Variants in AGPS observed in about 807,000 individuals in gnomAD.
AGPS encodes alkyldihydroxyacetonephosphate synthase, peroxisomal.
In AGPS, 26 loss-of-function variants were observed where a neutral mutation model predicts 90.7. The ratio of observed to expected loss-of-function variants is 0.29; its 90% CI spans 0.21 to 0.40. AGPS has a LOEUF of 0.40. Among genes scored for constraint, AGPS ranks in the 10% least tolerant of loss-of-function variants. The probability of loss-of-function intolerance (pLI) is 1.00; values close to 1 mark genes in which losing one functional copy is unlikely to be tolerated. For missense variants in AGPS, 540 were observed against 816.1 expected (o/e 0.66, Z 4.12); for synonymous variants, 294 against 285.3 (o/e 1.03, Z -0.31).
chr2:177,516,121 G>A (rs1386629574), intron 17 of AGPS, among the ~76,000 whole-genome samples: 2 of 152,048 alleles, frequency 1.3e-5, no homozygotes, highest in Non-Finnish European at 2.9e-5. Flanking sequence ...TAAAATCAAA[G>A]TTGAAATAAC....
At chr2:177,507,081 C>T (rs1026627425) in intron 15 of AGPS, among the ~76,000 whole-genome samples, 1 of 151,998 alleles carries the variant, frequency 6.6e-6, no homozygotes, top group Non-Finnish European at 1.5e-5. Context: ...ATAAGTTTTA[C>T]AATGGTTAAT....
chr2:177,402,237 CAT>C (rs1486007453), intron 1 of AGPS, among the ~76,000 whole-genome samples: 1 of 152,154 alleles, frequency 6.6e-6, no homozygotes, highest in African/African-American at 2.4e-5. Flanking sequence ...TGAGTTTAGT[CAT>C]ATGGATATCC....
intron 17 of AGPS, among the ~76,000 whole-genome samples, chr2:177,517,124 A>G (rs571490859): frequency 1.8e-4 from 27 of 152,202 alleles, no homozygotes; most frequent in Non-Finnish European, 3.7e-4. Context: ...CTGTTAAATT[A>G]AATTCTTTGT....
At position 177,468,477 on chromosome 2, in the gene AGPS, G is replaced by T; in HGVS notation, c.1058G>T (p.Arg353Leu). Residue 353 changes from arginine (R) to leucine (L), a missense_variant, in exon 10 of 20, where the codon CGT becomes CTT. This residue lies in a region of AGPS where 405 missense variants were observed against 692.1 expected (regional missense o/e 0.59). Transcript: ENST00000264167. ...ATAGAAAAAAGCTGTCAAGGACCTC[G>T]TATGTCAACAGGCCCTGATATCCAT... is the stretch of plus-strand genomic sequence containing the variant. Reference protein sequence around the residue: ...GIIEKSCQGPRMSTGPDIHHF... With the variant: ...GIIEKSCQGPLMSTGPDIHHF... 6.2e-7 allele frequency: 1 copy of T among 1,612,598 alleles called. No individual in the cohort carries two copies.
intron 17 of AGPS, among the ~76,000 whole-genome samples, chr2:177,518,618 A>G (rs760867434): frequency 4.7e-4 from 71 of 152,098 alleles, no homozygotes; most frequent in Non-Finnish European, 8.5e-4. Context: ...TACATTTATC[A>G]ATTGGAATTC....
chr2:177,520,979 G>A (rs985676232), intron 17 of AGPS, among the ~76,000 whole-genome samples: 9 of 152,170 alleles, frequency 5.9e-5, no homozygotes, highest in Admixed American at 2.0e-4. Context: ...AGAAGTTTTA[G>A]TAACATGGGA....
intron 1 of AGPS, among the ~76,000 whole-genome samples, chr2:177,397,692 A>G (rs112692898): frequency 6.6e-6 from 1 of 152,186 alleles, no homozygotes; most frequent in African/African-American, 2.4e-5. Flanking sequence ...TGTTTAGTCT[A>G]CTTGCTTATA....
chr2:177,468,607 T>C, intron 10 of AGPS, 83 bp downstream of exon 10: 1 of 956,912 alleles, frequency 1.0e-6, no homozygotes, highest in Non-Finnish European at 1.7e-6. Flanking sequence ...TGACATCAGA[T>C]CTTTGAAAGA....
chr2:177,510,790 C>G (rs1278347814), intron 16 of AGPS, among the ~76,000 whole-genome samples: 1 of 152,116 alleles, frequency 6.6e-6, no homozygotes, highest in Non-Finnish European at 1.5e-5. Context: ...CTTTTTCTTT[C>G]AAACCTTTAA....
chr2:177,443,832 G>A (rs1402613471), intron 7 of AGPS, among the ~76,000 whole-genome samples: 10 of 152,108 alleles, frequency 6.6e-5, no homozygotes, highest in Admixed American at 6.5e-4. Flanking sequence ...GATGTAATAG[G>A]GTAGCCTATA....
At chr2:177,516,017 C>G (rs986561857) in intron 17 of AGPS, among the ~76,000 whole-genome samples, 1 of 152,074 alleles carries the variant, frequency 6.6e-6, no homozygotes, top group East Asian at 1.9e-4. Flanking sequence ...TTATCAGGTG[C>G]TATGCTCACT....
rs553947989 is a variant in AGPS at position 177,436,301 on chromosome 2, G to A, written c.442-463G>A. Among the ~76,000 whole-genome samples the A allele has an allele frequency of 4.6e-5, 7 of 151,656 alleles. No individual in the cohort carries two copies. The East Asian group carries it at 5.8e-4, about 13-fold the overall frequency. ...CAAGTAGCTGGGACTACAGGCGCCCGCCACCACGCCCGGCTAATTTTTGTA... is the reference window on the plus strand; with the variant it reads ...CAAGTAGCTGGGACTACAGGCGCCCACCACCACGCCCGGCTAATTTTTGTA... On this transcript the variant is annotated intron_variant, in intron 3 of 19. Coordinates refer to ENST00000264167, the MANE Select transcript of AGPS (RefSeq NM_003659.4).
At chr2:177,396,862 A>G (rs1685190652) in intron 1 of AGPS, among the ~76,000 whole-genome samples, 1 of 152,134 alleles carries the variant, frequency 6.6e-6, no homozygotes, top group South Asian at 2.1e-4. Flanking sequence ...GACATTTCAG[A>G]GGGCTGACCA....
At chr2:177,477,093 C>T (rs964296431) in intron 10 of AGPS, among the ~76,000 whole-genome samples, 2 of 151,996 alleles carry the variant, frequency 1.3e-5, no homozygotes, top group African/African-American at 4.8e-5. Context: ...AAAATCGTCT[C>T]ACTATCTTTG....
chr2:177,493,098 C>T (rs1326234643), intron 11 of AGPS, 50 bp from the exon 12 acceptor site: 1 of 1,474,344 alleles, frequency 6.8e-7, no homozygotes, highest in Non-Finnish European at 9.4e-7. Flanking sequence ...ACCTGTCTAG[C>T]TTCTTACTGT....
chr2:177,460,976 C>T (rs536371359), intron 8 of AGPS, among the ~76,000 whole-genome samples: 4 of 152,318 alleles, frequency 2.6e-5, no homozygotes, highest in Admixed American at 1.3e-4. Context: ...TTTTGGATTA[C>T]AACTTTCACA....
chr2:177,433,380 T>C (rs1298861627), intron 2 of AGPS, among the ~76,000 whole-genome samples: 1 of 152,216 alleles, frequency 6.6e-6, no homozygotes, highest in East Asian at 1.9e-4. Flanking sequence ...ATTTCTGTTG[T>C]GTTCTTTTTT....
intron 12 of AGPS, among the ~76,000 whole-genome samples, chr2:177,495,170 G>A (rs534302072): frequency 1.3e-5 from 2 of 152,058 alleles, no homozygotes; most frequent in East Asian, 1.9e-4. Flanking sequence ...AAAGTTTCTC[G>A]AATTTAGGGT....
chr2:177,416,731 A>C (rs962067791), intron 1 of AGPS, among the ~76,000 whole-genome samples: 1 of 151,838 alleles, frequency 6.6e-6, no homozygotes, highest in African/African-American at 2.4e-5. Context: ...GGGTTTCACT[A>C]TATTAGCCAG....
Sources: allele counts gnomAD v4.1 joint callset (sites outside exome capture counted in the v4.1 genomes callset), GRCh38; gene constraint gnomAD v4.1.1; regional missense constraint gnomAD v4.1.1; transcripts MANE v1.5; gene names NCBI Gene and HGNC (gene_info 2026-07-23, HGNC 2026-07-21).